Variants in GPC6 observed in about 807,000 individuals in gnomAD.
GPC6 encodes the protein glypican 6.
A neutral mutation model predicts 55.2 loss-of-function variants in GPC6; 14 were observed. That is an observed-to-expected ratio of 0.25 (90% CI 0.17 to 0.40). GPC6 has a LOEUF of 0.40. GPC6 is among the 10% of genes least tolerant of loss of function. The pLI, the probability that GPC6 is intolerant of heterozygous loss-of-function variation, is 1.00. For missense variants in GPC6, 641 were observed against 708.5 expected, an observed-to-expected ratio of 0.90 and a Z score of 1.08; for synonymous variants, 278 against 259.6, an observed-to-expected ratio of 1.07 and a Z score of -0.68.
chr13:93,314,940 G>C (rs1879198013), intron 1 of GPC6, among the ~76,000 whole-genome samples: 1 of 152,060 alleles, frequency 6.6e-6, no homozygotes, highest in African/African-American at 2.4e-5. Flanking sequence ...TTCTGAAGTT[G>C]ATGAGAACCC....
chr13:94,243,951 G>A (rs1891126600), intron 4 of GPC6, among the ~76,000 whole-genome samples: 1 of 152,038 alleles, frequency 6.6e-6, no homozygotes, highest in Non-Finnish European at 1.5e-5. Context: ...AGGTAAAGCT[G>A]CCCCTATAAA....
intron 4 of GPC6, among the ~76,000 whole-genome samples, chr13:94,094,555 T>C (rs1047912866): frequency 1.3e-5 from 2 of 152,184 alleles, no homozygotes; most frequent in Admixed American, 1.3e-4. Flanking sequence ...TTATCAGGAA[T>C]GTTTTCCATC....
chr13:94,316,641 C>T (rs1020662084), intron 6 of GPC6, among the ~76,000 whole-genome samples: 2 of 149,356 alleles, frequency 1.3e-5, no homozygotes, highest in South Asian at 2.1e-4. Flanking sequence ...GGCGTGAACC[C>T]GGGAGGCAGA....
chr13:93,291,702 A>G (rs1315181451), intron 1 of GPC6, among the ~76,000 whole-genome samples: 7 of 152,126 alleles, frequency 4.6e-5, no homozygotes, highest in Non-Finnish European at 8.8e-5. Context: ...TATAGCAATC[A>G]TATTAAAAAT....
chr13:93,616,462 C>T (rs955271681), intron 2 of GPC6, among the ~76,000 whole-genome samples: 12 of 151,976 alleles, frequency 7.9e-5, no homozygotes, highest in African/African-American at 2.2e-4. Context: ...ACTTTACATT[C>T]GGGGTAAAAC....
At chr13:93,596,154 G>GGA (rs10657873) in intron 2 of GPC6, among the ~76,000 whole-genome samples, 5,562 of 152,232 alleles carry the variant, frequency 0.037, 341 homozygotes, top group African/African-American at 0.13. Flanking sequence ...ACCAGGGCTA[G>GGA]GAGATGGGAT....
intron 2 of GPC6, among the ~76,000 whole-genome samples, chr13:93,797,404 A>G (rs1440532775): frequency 3.3e-5 from 5 of 152,204 alleles, no homozygotes; most frequent in African/African-American, 1.2e-4. Flanking sequence ...ATATACGCAC[A>G]ACGTTCAGAA....
At chr13:93,849,573 C>T (rs1888324008) in intron 3 of GPC6, among the ~76,000 whole-genome samples, 1 of 152,098 alleles carries the variant, frequency 6.6e-6, no homozygotes, top group African/African-American at 2.4e-5. Flanking sequence ...CTCAGACTTC[C>T]AAAACACCTA....
chr13:93,748,353 C>T (rs991285300), intron 2 of GPC6, among the ~76,000 whole-genome samples: 5 of 151,938 alleles, frequency 3.3e-5, no homozygotes, highest in Non-Finnish European at 7.4e-5. Context: ...TCTCTTCCTA[C>T]TTATTTCACT....
At chr13:93,793,375 G>A (rs1443378165) in intron 2 of GPC6, among the ~76,000 whole-genome samples, 5 of 152,144 alleles carry the variant, frequency 3.3e-5, no homozygotes, top group Admixed American at 2.6e-4. Flanking sequence ...CATGCTCTCT[G>A]AGTGAAAAAG....
chr13:94,308,824 C>G (rs373399496), intron 6 of GPC6, among the ~76,000 whole-genome samples: 1 of 152,314 alleles, frequency 6.6e-6, no homozygotes, highest in Non-Finnish European at 1.5e-5. Flanking sequence ...CTGAGAGACA[C>G]GAGTTAGGTC....
intron 2 of GPC6, among the ~76,000 whole-genome samples, chr13:93,749,206 A>G (rs1248889897): frequency 6.6e-6 from 1 of 151,968 alleles, no homozygotes; most frequent in Non-Finnish European, 1.5e-5. Flanking sequence ...TCTTAAGTGT[A>G]CTTTAACTTT....
intron 2 of GPC6, among the ~76,000 whole-genome samples, chr13:93,612,538 CACACAA>C (rs1483758423): frequency 6.6e-6 from 1 of 151,266 alleles, no homozygotes; most frequent in East Asian, 1.9e-4. Context: ...CACACACACA[CACACAA>C]ACTTCATGTG....
intron 4 of GPC6, among the ~76,000 whole-genome samples, chr13:94,214,487 T>C (rs965721457): frequency 6.6e-6 from 1 of 152,192 alleles, no homozygotes; most frequent in African/African-American, 2.4e-5. Context: ...ATATTAGAAA[T>C]CTTATTTGAA....
chr13:94,130,509 T>C (rs1454079818), intron 4 of GPC6, among the ~76,000 whole-genome samples: 1 of 152,130 alleles, frequency 6.6e-6, no homozygotes, highest in Non-Finnish European at 1.5e-5. Flanking sequence ...TAAACCAGCA[T>C]TCTAAGTGCA....
chr13:93,947,007 T>C (rs770991002), intron 3 of GPC6, among the ~76,000 whole-genome samples: 11 of 152,226 alleles, frequency 7.2e-5, no homozygotes, highest in South Asian at 2.1e-4. Flanking sequence ...GGAGTTTTCC[T>C]GACTTTCAAA....
intron 4 of GPC6, among the ~76,000 whole-genome samples, chr13:94,049,223 T>G (rs1287869272): frequency 6.8e-6 from 1 of 146,754 alleles, no homozygotes; most frequent in African/African-American, 2.5e-5. Flanking sequence ...CACTGCAGCC[T>G]AGGTGACAGA....
chr13:93,218,847 G>T, the GPC6 span, among the ~76,000 whole-genome samples: 1 of 152,074 alleles, frequency 6.6e-6, no homozygotes, highest in Non-Finnish European at 1.5e-5. Context: ...CAATCATGAA[G>T]GGGAATGGTT....
chr13:93,681,625 C>T (rs765790086), intron 2 of GPC6, among the ~76,000 whole-genome samples: 1 of 151,968 alleles, frequency 6.6e-6, no homozygotes, highest in African/African-American at 2.4e-5. Flanking sequence ...TTTCTGAAAT[C>T]GATCAAAAAT....
Sources: allele counts gnomAD v4.1 joint callset (sites outside exome capture counted in the v4.1 genomes callset), GRCh38; gene constraint gnomAD v4.1.1; transcripts MANE v1.5; gene names NCBI Gene and HGNC (gene_info 2026-07-23, HGNC 2026-07-21).